Variants in SLC24A3 observed in about 807,000 individuals in gnomAD.
SLC24A3 encodes sodium/potassium/calcium exchanger 3.
A neutral mutation model predicts 75.8 loss-of-function variants in SLC24A3; 28 were observed. The observed-to-expected ratio is 0.37, with a 90% CI of 0.27 to 0.51. The LOEUF (loss-of-function observed/expected upper bound fraction) is 0.51, where lower values mean the gene tolerates loss of function less well. SLC24A3 is among the 20% of genes least tolerant of loss of function. The probability of loss-of-function intolerance (pLI) is 0.94; values close to 1 mark genes in which losing one functional copy is unlikely to be tolerated. For synonymous variants in SLC24A3, 372 were observed against 334.1 expected (o/e 1.11, Z -1.24); for missense variants, 663 against 847.8 (o/e 0.78, Z 2.71).
At chr20:19,681,255 AG>A (rs1029300056) in intron 9 of SLC24A3, among the ~76,000 whole-genome samples, 1 of 152,168 alleles carries the variant, frequency 6.6e-6, no homozygotes, top group Admixed American at 6.5e-5. Context: ...CATAAAGCTA[AG>A]GGCCCATTGG....
intron 3 of SLC24A3, among the ~76,000 whole-genome samples, chr20:19,545,134 G>A (rs773936909): frequency 3.3e-5 from 5 of 152,208 alleles, no homozygotes; most frequent in Non-Finnish European, 5.9e-5. Flanking sequence ...GTGAGAAGGA[G>A]AAGTGGGACA....
chr20:19,311,533 A>C (rs1455374491), intron 2 of SLC24A3, among the ~76,000 whole-genome samples: 1 of 152,110 alleles, frequency 6.6e-6, no homozygotes, highest in African/African-American at 2.4e-5. Context: ...GCTGTACTAC[A>C]GGTGTGCACG....
intron 2 of SLC24A3, among the ~76,000 whole-genome samples, chr20:19,408,095 G>A (rs1451586591): frequency 6.6e-6 from 1 of 152,116 alleles, no homozygotes; most frequent in Non-Finnish European, 1.5e-5. Flanking sequence ...ATAAAATGTT[G>A]AGTACAAATG....
intron 2 of SLC24A3, among the ~76,000 whole-genome samples, chr20:19,343,281 A>G (rs1459685880): frequency 6.6e-6 from 1 of 152,028 alleles, no homozygotes; most frequent in African/African-American, 2.4e-5. Flanking sequence ...TTTGACCCAC[A>G]CAACCTGAGT....
At chr20:19,607,621 A>T (rs1197000668) in intron 6 of SLC24A3, among the ~76,000 whole-genome samples, 1 of 152,170 alleles carries the variant, frequency 6.6e-6, no homozygotes, top group African/African-American at 2.4e-5. Context: ...CCGACTGTCC[A>T]CATCCAGACT....
Position 19,476,185 on chromosome 20 carries a change from A to G in SLC24A3, c.272-39303A>G, listed in dbSNP as rs148432879. Among the ~76,000 whole-genome samples, 241 of 152,306 alleles carry G rather than the reference A, an allele frequency of 1.6e-3. 1 individual carries two copies. Among genetic ancestry groups the G allele is most frequent in the African/African-American group, 5.4e-3 (224 of 41,548 alleles). On this transcript the variant is annotated intron_variant, in intron 2 of 16. Coordinates refer to ENST00000328041, the MANE Select transcript of SLC24A3 (RefSeq NM_020689.4). ...TTGCTGGTGTTGCAGCTGGTTATATAAATGCCTTCAGAGATTCATTCTGGT... is the reference window on the plus strand; with the variant it reads ...TTGCTGGTGTTGCAGCTGGTTATATGAATGCCTTCAGAGATTCATTCTGGT...
chr20:19,344,262 A>G (rs1985338432), intron 2 of SLC24A3, among the ~76,000 whole-genome samples: 1 of 152,220 alleles, frequency 6.6e-6, no homozygotes, highest in Admixed American at 6.5e-5. Flanking sequence ...TTTGAAGTTT[A>G]ATAATATGGT....
At chr20:19,639,097 T>C (rs1568681712) in intron 6 of SLC24A3, among the ~76,000 whole-genome samples, 1 of 152,170 alleles carries the variant, frequency 6.6e-6, no homozygotes, top group Non-Finnish European at 1.5e-5. Context: ...AGCCCAGTGA[T>C]CTGTTTTGAC....
intron 1 of SLC24A3, among the ~76,000 whole-genome samples, chr20:19,261,226 C>T (rs925719757): frequency 6.6e-6 from 1 of 152,164 alleles, no homozygotes; most frequent in Non-Finnish European, 1.5e-5. Flanking sequence ...CTGAGAGGTG[C>T]TAGAGCTGAC....
In SLC24A3 at chr20:19,681,981, A is replaced by C. The variant is rs1183097575; in HGVS notation, c.891A>C (p.Leu297=). 6.2e-7 allele frequency: 1 copy of C among 1,613,906 alleles called. No homozygotes were observed. ...GCAACTGCGACGCAACTGTGGTGCTACTTAAGAAAGGTAACCAAGGAGAGC... is the reference window on the plus strand; with the variant it reads ...GCAACTGCGACGCAACTGTGGTGCTCCTTAAGAAAGGTAACCAAGGAGAGC... The part of the protein sequence containing the change: ...DSSNCDATVV[L]LKKANFHRKA... The change falls in exon 10 of 17, where the codon CTA becomes CTC. Residue 297 remains leucine (L), a synonymous_variant. Coordinates refer to ENST00000328041, the MANE Select transcript of SLC24A3 (RefSeq NM_020689.4).
intron 1 of SLC24A3, among the ~76,000 whole-genome samples, chr20:19,248,865 T>C (rs936148426): frequency 3.3e-5 from 5 of 150,968 alleles, no homozygotes; most frequent in African/African-American, 1.2e-4. Flanking sequence ...TAGAGGATAT[T>C]GTGCTAAGTG....
intron 9 of SLC24A3, among the ~76,000 whole-genome samples, chr20:19,679,847 CTG>C (rs2032589641): frequency 6.6e-6 from 1 of 150,414 alleles, no homozygotes; most frequent in Admixed American, 6.6e-5. Flanking sequence ...TGACTTGCTG[CTG>C]TGTCTGTATG....
chr20:19,418,707 C>T (rs1986866230), intron 2 of SLC24A3, among the ~76,000 whole-genome samples: 1 of 151,676 alleles, frequency 6.6e-6, no homozygotes, highest in Admixed American at 6.6e-5. Flanking sequence ...ATATAATAAA[C>T]ATCACTCCTC....
intron 6 of SLC24A3, among the ~76,000 whole-genome samples, chr20:19,628,300 A>C (rs543978656): frequency 2.0e-4 from 31 of 152,222 alleles, no homozygotes; most frequent in Middle Eastern, 6.8e-3. Flanking sequence ...TAGAGAGAGC[A>C]TCAGTGATTT....
chr20:19,492,020 C>G (rs1243058329), intron 2 of SLC24A3, among the ~76,000 whole-genome samples: 1 of 152,126 alleles, frequency 6.6e-6, no homozygotes, highest in Non-Finnish European at 1.5e-5. Flanking sequence ...CATGTGCTGG[C>G]TGTTACAAAC....
intron 1 of SLC24A3, among the ~76,000 whole-genome samples, chr20:19,271,856 A>G (rs979071346): frequency 2.0e-5 from 3 of 152,230 alleles, no homozygotes; most frequent in African/African-American, 7.2e-5. Flanking sequence ...GAGGGATAAA[A>G]GACTACACAT....
At chr20:19,255,735 G>C (rs1982795955) in intron 1 of SLC24A3, among the ~76,000 whole-genome samples, 1 of 152,182 alleles carries the variant, frequency 6.6e-6, no homozygotes, top group African/African-American at 2.4e-5. Context: ...GATGAGATGT[G>C]CTGTGAGTAT....
chr20:19,512,294 G>A (rs1199789725), intron 2 of SLC24A3, among the ~76,000 whole-genome samples: 1 of 152,208 alleles, frequency 6.6e-6, no homozygotes, highest in Non-Finnish European at 1.5e-5. Flanking sequence ...GGACCCTGAC[G>A]AAGCTCCTGT....
At chr20:19,466,106 G>A (rs1987761431) in intron 2 of SLC24A3, among the ~76,000 whole-genome samples, 1 of 152,180 alleles carries the variant, frequency 6.6e-6, no homozygotes, top group Non-Finnish European at 1.5e-5. Flanking sequence ...GTGTTTGTTA[G>A]ACAAAGTACA....
Sources: allele counts gnomAD v4.1 joint callset (sites outside exome capture counted in the v4.1 genomes callset), GRCh38; gene constraint gnomAD v4.1.1; transcripts MANE v1.5; gene names NCBI Gene and HGNC (gene_info 2026-07-23, HGNC 2026-07-21).